DPP6: variants seen among roughly 807,000 people sequenced by gnomAD.
DPP6 encodes dipeptidyl peptidase like 6.
Under a neutral mutation model 122.6 loss-of-function variants are expected in DPP6, and 69 were observed. That is an observed-to-expected ratio of 0.56 (90% confidence interval 0.46 to 0.69). DPP6 has a LOEUF of 0.69. DPP6 is among the 30% of genes least tolerant of loss of function. The pLI is 0.00. For synonymous variants in DPP6, 418 were observed against 433.1 expected (o/e 0.97, Z 0.43); for missense variants, 928 against 1,116.9 (o/e 0.83, Z 2.41).
At chr7:154,399,002 T>C (rs1815339517) in intron 1 of DPP6, among the ~76,000 whole-genome samples, 2 of 152,252 alleles carry the variant, frequency 1.3e-5, no homozygotes, top group African/African-American at 4.8e-5. Context: ...TGTAAGCTGT[T>C]GGAGCAGGGC....
chr7:154,874,026 G>A (rs1002304857), intron 19 of DPP6, among the ~76,000 whole-genome samples: 5 of 148,874 alleles, frequency 3.4e-5, no homozygotes, highest in Non-Finnish European at 1.5e-5. Context: ...ACACACATAC[G>A]TGTGCATACG....
Position 154,599,494 on chromosome 7 carries a change from TTTATTA to T in DPP6, c.627+32601_627+32606del, listed in dbSNP as rs144958836. On this transcript the variant is annotated intron_variant, in intron 5 of 25. Transcript: ENST00000377770. ...TTCTCTCTACTCAAGTGGACTTCTT[TTTATTA>T]TTATTATTATTATTATTATTATCAT... is the stretch of plus-strand genomic sequence containing the variant. Among the ~76,000 whole-genome samples, 1,318 of 149,164 alleles carry T rather than the reference TTTATTA, an allele frequency of 8.8e-3. 13 individuals are homozygous for T. The highest frequency in any genetic ancestry group is 0.031 in the African/African-American group (1,243 of 40,420).
the DPP6 span, among the ~76,000 whole-genome samples, chr7:153,777,211 A>G: frequency 6.6e-6 from 1 of 152,256 alleles, no homozygotes; most frequent in Non-Finnish European, 1.5e-5. Context: ...TTATTAGAAT[A>G]GCTAAAGAAC....
chr7:153,869,689 C>G, the DPP6 span, among the ~76,000 whole-genome samples: 2 of 152,166 alleles, frequency 1.3e-5, no homozygotes, highest in Non-Finnish European at 2.9e-5. Context: ...TTGATCCTGT[C>G]ATTATGATGT....
chr7:154,884,618 T>C (rs199603440), intron 21 of DPP6: 6 of 98,106 alleles, frequency 6.1e-5, no homozygotes, highest in East Asian at 8.9e-4. Flanking sequence ...TACATACACA[T>C]GCTCACACAG....
chr7:154,359,104 A>G (rs1407575128), intron 1 of DPP6, among the ~76,000 whole-genome samples: 1 of 152,242 alleles, frequency 6.6e-6, no homozygotes, highest in Non-Finnish European at 1.5e-5. Flanking sequence ...GCACATACCC[A>G]AGAAGACTGA....
chr7:154,036,021 TG>T (rs1167283215), intron 1 of DPP6, among the ~76,000 whole-genome samples: 1 of 21,746 alleles, frequency 4.6e-5, no homozygotes, highest in East Asian at 1.9e-3. Flanking sequence ...CGCGCGCGCT[TG>T]TGTGTGTGTG....
chr7:154,247,488 A>G (rs1802056740), intron 1 of DPP6, among the ~76,000 whole-genome samples: 1 of 152,210 alleles, frequency 6.6e-6, no homozygotes, highest in African/African-American at 2.4e-5. Flanking sequence ...GTCAATAAGC[A>G]CATGAAATGG....
intron 14 of DPP6, among the ~76,000 whole-genome samples, chr7:154,804,605 C>A: frequency 6.6e-6 from 1 of 152,212 alleles, no homozygotes; most frequent in Non-Finnish European, 1.5e-5. Context: ...GGTGAGTGAT[C>A]TTGTAAAAGA....
chr7:153,898,149 A>G (rs1799486841), intron 1 of DPP6, among the ~76,000 whole-genome samples: 1 of 152,202 alleles, frequency 6.6e-6, no homozygotes, highest in African/African-American at 2.4e-5. Context: ...AATTTATTGT[A>G]TATTTCAAAA....
intron 10 of DPP6, among the ~76,000 whole-genome samples, chr7:154,778,014 G>T (rs1796691835): frequency 1.3e-5 from 2 of 152,148 alleles, no homozygotes. Context: ...TTATTGATTT[G>T]CTCTTTTTCA....
At chr7:153,886,467 C>A (rs1798918815), upstream of DPP6, among the ~76,000 whole-genome samples, 1 of 152,058 alleles carries the variant, frequency 6.6e-6, no homozygotes, top group Non-Finnish European at 1.5e-5. Flanking sequence ...GACTGGGCTG[C>A]GGGAGGTCTT....
intron 16 of DPP6, among the ~76,000 whole-genome samples, chr7:154,825,416 A>G (rs887030980): frequency 2.0e-5 from 3 of 152,258 alleles, no homozygotes; most frequent in African/African-American, 7.2e-5. Flanking sequence ...CTCCCACTTC[A>G]GCACGCATAA....
At chr7:154,402,073 G>A (rs1815662859) in intron 1 of DPP6, among the ~76,000 whole-genome samples, 1 of 151,846 alleles carries the variant, frequency 6.6e-6, no homozygotes, top group Non-Finnish European at 1.5e-5. Flanking sequence ...AGTTAGAATG[G>A]CAATCATTAA....
the DPP6 span, among the ~76,000 whole-genome samples, chr7:153,857,427 C>T: frequency 3.8e-4 from 57 of 150,110 alleles, no homozygotes; most frequent in South Asian, 3.0e-3. Context: ...AAGCACAACA[C>T]GAAATCTAAA....
intron 2 of DPP6, among the ~76,000 whole-genome samples, chr7:154,447,594 C>A (rs1364253580): frequency 6.6e-6 from 1 of 151,998 alleles, no homozygotes; most frequent in Non-Finnish European, 1.5e-5. Flanking sequence ...ACGATCTGTA[C>A]CCTGATACCA....
At chr7:154,201,886 C>T (rs189826660) in intron 1 of DPP6, among the ~76,000 whole-genome samples, 1 of 152,298 alleles carries the variant, frequency 6.6e-6, no homozygotes, top group Admixed American at 6.5e-5. Context: ...CCTAAACTTC[C>T]TAGATCTGTT....
chr7:154,502,525 G>A (rs1315059827), intron 3 of DPP6, among the ~76,000 whole-genome samples: 1 of 152,088 alleles, frequency 6.6e-6, no homozygotes, highest in East Asian at 1.9e-4. Context: ...TTAAAAAGGG[G>A]AGTTTCCCTG....
At chr7:154,533,406 A>G (rs1370892515) in intron 3 of DPP6, among the ~76,000 whole-genome samples, 1 of 152,242 alleles carries the variant, frequency 6.6e-6, no homozygotes, top group Non-Finnish European at 1.5e-5. Flanking sequence ...AAACTGAAGC[A>G]GCTCTATTTC....
Sources: gnomAD v4.1 joint callset for allele counts (sites outside exome capture counted in the v4.1 genomes callset) on GRCh38, gnomAD v4.1.1 for gene constraint, MANE v1.5 for transcripts, NCBI Gene and HGNC (gene_info 2026-07-23, HGNC 2026-07-21) for gene names.